CACHD1: variants seen among roughly 807,000 people sequenced by gnomAD.
CACHD1 encodes the protein cache domain containing 1.
A neutral mutation model predicts 138.7 loss-of-function variants in CACHD1; 71 were observed. That is an observed-to-expected ratio of 0.51 (90% CI 0.42 to 0.62). The LOEUF (loss-of-function observed/expected upper bound fraction) is 0.62. Ranked by LOEUF, CACHD1 falls within the 20% of genes least tolerant of loss-of-function variation. The probability of loss-of-function intolerance (pLI) is 0.00; values close to 1 mark genes in which losing one functional copy is unlikely to be tolerated. For missense variants in CACHD1, 1,389 were observed against 1,625.3 expected (o/e 0.85, Z 2.50); for synonymous variants, 578 against 591.5 (o/e 0.98, Z 0.33).
intron 8 of CACHD1, among the ~76,000 whole-genome samples, chr1:64,643,700 T>C (rs1039604578): frequency 3.9e-5 from 6 of 152,086 alleles, no homozygotes; most frequent in Admixed American, 6.5e-5. Flanking sequence ...TAGCCAGGCG[T>C]GGTGGCGGGC....
At chr1:64,635,046 C>A (rs993396639) in intron 7 of CACHD1, among the ~76,000 whole-genome samples, 25 of 144,520 alleles carry the variant, frequency 1.7e-4, no homozygotes, top group African/African-American at 6.1e-4. Context: ...CATATGTTGT[C>A]TTCGTCATCA....
At chr1:64,527,467 G>T (rs185474859) in intron 1 of CACHD1, among the ~76,000 whole-genome samples, 34 of 152,338 alleles carry the variant, frequency 2.2e-4, no homozygotes, top group African/African-American at 7.2e-4. Context: ...TGCGGTAACA[G>T]TGTGGACACG....
intron 2 of CACHD1, among the ~76,000 whole-genome samples, chr1:64,556,986 G>T (rs1481253354): frequency 6.6e-6 from 1 of 152,108 alleles, no homozygotes; most frequent in East Asian, 1.9e-4. Context: ...GGGCGTGGTG[G>T]CGGGCGCCTG....
chr1:64,592,502 A>G (rs886672412), intron 3 of CACHD1, among the ~76,000 whole-genome samples: 1 of 152,218 alleles, frequency 6.6e-6, no homozygotes. Context: ...AAGCTTGGTG[A>G]AAAAGTGGTA....
At chr1:64,682,850 C>A (rs1650237680) in intron 26 of CACHD1, among the ~76,000 whole-genome samples, 1 of 151,998 alleles carries the variant, frequency 6.6e-6, no homozygotes, top group African/African-American at 2.4e-5. Context: ...GCCACAGTTC[C>A]ACAAAAATAT....
chr1:64,588,850 G>T (rs535111221), intron 3 of CACHD1, among the ~76,000 whole-genome samples: 1 of 152,330 alleles, frequency 6.6e-6, no homozygotes, highest in African/African-American at 2.4e-5. Context: ...ATACTGGAAA[G>T]ATGAATTTAG....
At chr1:64,678,998 G>A (rs77680729) in intron 23 of CACHD1, among the ~76,000 whole-genome samples, 2,222 of 152,210 alleles carry the variant, frequency 0.015, 42 homozygotes, top group African/African-American at 0.051. Flanking sequence ...ACATCAGCCT[G>A]TCTAGAAGAA....
chr1:64,628,668 T>C (rs1440567377), intron 4 of CACHD1, among the ~76,000 whole-genome samples: 1 of 152,158 alleles, frequency 6.6e-6, no homozygotes, highest in African/African-American at 2.4e-5. Context: ...CAGCCAGGTT[T>C]GAATCCCAGC....
At chr1:64,579,272 G>A (rs900986551) in intron 2 of CACHD1, among the ~76,000 whole-genome samples, 8 of 152,116 alleles carry the variant, frequency 5.3e-5, no homozygotes, top group Admixed American at 1.3e-4. Context: ...GGCCTATGTA[G>A]AAAGAGGCAG....
chr1:64,580,245 T>A (rs1217049703), intron 2 of CACHD1, among the ~76,000 whole-genome samples: 2 of 152,184 alleles, frequency 1.3e-5, no homozygotes, highest in Non-Finnish European at 2.9e-5. Flanking sequence ...TTTTCCCTGA[T>A]AAGTTATCAT....
At chr1:64,476,483 A>T (rs1274554277) in intron 1 of CACHD1, among the ~76,000 whole-genome samples, 1 of 152,260 alleles carries the variant, frequency 6.6e-6, no homozygotes, top group Non-Finnish European at 1.5e-5. Flanking sequence ...AGGAAAAATC[A>T]CCTGTATATG....
intron 1 of CACHD1, among the ~76,000 whole-genome samples, chr1:64,489,037 AT>A (rs1209911612): frequency 6.6e-6 from 1 of 151,948 alleles, no homozygotes; most frequent in African/African-American, 2.4e-5. Flanking sequence ...AATGGTGGAG[AT>A]TTTTGCTTGA....
intron 26 of CACHD1, among the ~76,000 whole-genome samples, chr1:64,686,684 T>C (rs1218272443): frequency 1.3e-5 from 2 of 152,242 alleles, no homozygotes; most frequent in Admixed American, 6.5e-5. Flanking sequence ...ACCTGTACGT[T>C]ATTTGTTCCT....
chr1:64,675,188 C>G (rs1230184728), intron 19 of CACHD1, among the ~76,000 whole-genome samples: 2 of 152,196 alleles, frequency 1.3e-5, no homozygotes, highest in Admixed American at 1.3e-4. Context: ...AATATATACA[C>G]AGCTGTTCAA....
intron 1 of CACHD1, among the ~76,000 whole-genome samples, chr1:64,547,640 TACAGGCATGAGCCACC>T (rs1200362214): frequency 6.6e-6 from 1 of 152,192 alleles, no homozygotes; most frequent in Non-Finnish European, 1.5e-5. Flanking sequence ...GTGCTGGGAT[TACAGGCATGAGCCACC>T]GCACCCAGCC....
intron 2 of CACHD1, among the ~76,000 whole-genome samples, chr1:64,562,222 C>A (rs1209477198): frequency 6.6e-6 from 1 of 151,912 alleles, no homozygotes; most frequent in Non-Finnish European, 1.5e-5. Flanking sequence ...GACTTTGGGA[C>A]CATGATTTTT....
At chr1:64,640,418 G>A (rs1030829237) in intron 7 of CACHD1, among the ~76,000 whole-genome samples, 5 of 149,444 alleles carry the variant, frequency 3.3e-5, no homozygotes, top group Non-Finnish European at 5.9e-5. Context: ...GCTCACGCCT[G>A]TAATCCCAGC....
chr1:64,619,940 C>G (rs1647851259), intron 4 of CACHD1, among the ~76,000 whole-genome samples: 1 of 152,086 alleles, frequency 6.6e-6, no homozygotes, highest in South Asian at 2.1e-4. Flanking sequence ...ATTATATTGA[C>G]TTTATAAAAT....
intron 1 of CACHD1, among the ~76,000 whole-genome samples, chr1:64,514,323 A>C (rs956193718): frequency 6.6e-6 from 1 of 152,190 alleles, no homozygotes; most frequent in African/African-American, 2.4e-5. Flanking sequence ...GGAGGCCTCT[A>C]TATACAAGAA....
Sources: allele counts gnomAD v4.1 joint callset (sites outside exome capture counted in the v4.1 genomes callset), GRCh38; gene constraint gnomAD v4.1.1; transcripts MANE v1.5; gene names NCBI Gene and HGNC (gene_info 2026-07-23, HGNC 2026-07-21).